Variants in ABL2 observed in about 807,000 individuals in gnomAD.
ABL2 encodes tyrosine-protein kinase ABL2.
A neutral mutation model predicts 107.7 loss-of-function variants in ABL2; 49 were observed. That is an observed-to-expected ratio of 0.45 (90% CI 0.36 to 0.58). The LOEUF (loss-of-function observed/expected upper bound fraction) is 0.58. Among genes scored for constraint, ABL2 ranks in the 20% least tolerant of loss-of-function variants. ABL2 has a pLI of 0.00. For missense variants in ABL2, 1,245 were observed against 1,457.0 expected (o/e 0.85, Z 2.37); for synonymous variants, 549 against 548.6 (o/e 1.00, Z -0.01).
chr1:179,178,654 C>T (rs988866415), intron 1 of ABL2, among the ~76,000 whole-genome samples: 4 of 152,104 alleles, frequency 2.6e-5, no homozygotes, highest in Non-Finnish European at 5.9e-5. Context: ...CTTTGGGAGG[C>T]CAAGGCAGGT....
intron 1 of ABL2, among the ~76,000 whole-genome samples, chr1:179,181,698 C>T (rs1486354096): frequency 1.3e-5 from 2 of 152,124 alleles, no homozygotes; most frequent in African/African-American, 4.8e-5. Flanking sequence ...TTCTAATACA[C>T]GAATTCATAT....
chr1:179,159,885 G>A (rs1458938382), intron 1 of ABL2, among the ~76,000 whole-genome samples: 4 of 152,178 alleles, frequency 2.6e-5, no homozygotes, highest in Non-Finnish European at 5.9e-5. Context: ...AGGCCAAGGT[G>A]GGCGTATCAA....
At chr1:179,205,624 G>C (rs768819753) in intron 1 of ABL2, among the ~76,000 whole-genome samples, 1 of 152,140 alleles carries the variant, frequency 6.6e-6, no homozygotes, top group Non-Finnish European at 1.5e-5. Flanking sequence ...CCTTTGGGGG[G>C]TCTGAGGGGG....
intron 1 of ABL2, among the ~76,000 whole-genome samples, chr1:179,153,384 G>A (rs945412145): frequency 2.0e-5 from 3 of 151,878 alleles, no homozygotes; most frequent in African/African-American, 7.3e-5. Context: ...TAGTTTGGGA[G>A]GCCGGAAGTC....
rs181590000 is a variant in ABL2 at position 179,159,880 on chromosome 1, A to G, written c.158-26506T>C. Among the ~76,000 whole-genome samples the G allele has an allele frequency of 7.2e-5, 11 of 152,308 alleles. 1 individual carries two copies. Among genetic ancestry groups the G allele is most frequent in the Admixed American group, 6.5e-4 (10 of 15,296 alleles). ...TGTAATCCCAGCACTTTGGGAGGCC[A>G]AGGTGGGCGTATCAACTGAGGTCAG... is the stretch of plus-strand genomic sequence containing the variant. On this transcript the variant is annotated intron_variant, in intron 1 of 11. Coordinates refer to ENST00000502732, the MANE Select transcript of ABL2 (RefSeq NM_007314.4).
chr1:179,229,173 A>ACCCCCCCCCCCCCCCCC, intron 1 of ABL2, 68 bp downstream of exon 1: 3 of 223,206 alleles, frequency 1.3e-5, no homozygotes, highest in Non-Finnish European at 2.2e-5. Flanking sequence ...CCCGTCCGCC[A>ACCCCCCCCCCCCCCCCC]CCCACCCCGC....
chr1:179,200,660 A>C (rs113292811), intron 1 of ABL2, among the ~76,000 whole-genome samples: 2,616 of 152,302 alleles, frequency 0.017, 77 homozygotes, highest in African/African-American at 0.058. Flanking sequence ...TTCCAATTAT[A>C]AACTTATCTG....
intron 1 of ABL2, among the ~76,000 whole-genome samples, chr1:179,135,918 C>T (rs1656896775): frequency 2.8e-5 from 4 of 141,966 alleles, no homozygotes; most frequent in Non-Finnish European, 6.2e-5. Context: ...AAGTGAGGAG[C>T]CCCTCTGCCC....
chr1:179,154,059 C>T (rs573093847), intron 1 of ABL2, among the ~76,000 whole-genome samples: 2 of 152,282 alleles, frequency 1.3e-5, no homozygotes, highest in East Asian at 3.9e-4. Flanking sequence ...AATCATACCT[C>T]TTAAATATCT....
chr1:179,216,730 T>G (rs1662582369), intron 1 of ABL2, among the ~76,000 whole-genome samples: 1 of 151,408 alleles, frequency 6.6e-6, no homozygotes, highest in Non-Finnish European at 1.5e-5. Context: ...TTTTTTTTTT[T>G]GGCTGGACTG....
At chr1:179,185,704 C>T (rs1330126740) in intron 1 of ABL2, among the ~76,000 whole-genome samples, 1 of 151,708 alleles carries the variant, frequency 6.6e-6, no homozygotes, top group Non-Finnish European at 1.5e-5. Context: ...TTGTTTTTGA[C>T]TAAAAAGAGG....
At chr1:179,119,521 A>T (rs1052394591) in intron 6 of ABL2, among the ~76,000 whole-genome samples, 1 of 150,738 alleles carries the variant, frequency 6.6e-6, no homozygotes, top group Non-Finnish European at 1.5e-5. Context: ...TAAAAAACAA[A>T]CAAAAAAAAA....
chr1:179,119,586 A>T (rs10913696), intron 6 of ABL2, among the ~76,000 whole-genome samples: 97,055 of 150,398 alleles, frequency 0.65, 31,619 homozygotes, highest in Middle Eastern at 0.75. Flanking sequence ...GCCCTATTTT[A>T]AAAAAGGAAA....
At chr1:179,127,452 A>T (rs1439795135) in intron 3 of ABL2, among the ~76,000 whole-genome samples, 1 of 152,224 alleles carries the variant, frequency 6.6e-6, no homozygotes, top group African/African-American at 2.4e-5. Flanking sequence ...CAAGTCACTC[A>T]GTGTATCTTT....
intron 2 of ABL2, among the ~76,000 whole-genome samples, chr1:179,131,879 T>C (rs548115360): frequency 6.6e-6 from 1 of 152,320 alleles, no homozygotes; most frequent in Admixed American, 6.5e-5. Context: ...AAGGAAGAAA[T>C]GATTGTAAGT....
chr1:179,141,905 T>C (rs1272571209), intron 1 of ABL2, among the ~76,000 whole-genome samples: 1 of 152,116 alleles, frequency 6.6e-6, no homozygotes, highest in Middle Eastern at 3.2e-3. Flanking sequence ...GGGAACTAAA[T>C]GAGGGGGAAC....
At chr1:179,114,116 G>C (rs1001402499) in intron 9 of ABL2, among the ~76,000 whole-genome samples, 1 of 152,038 alleles carries the variant, frequency 6.6e-6, no homozygotes, top group Non-Finnish European at 1.5e-5. Flanking sequence ...TTAGCCAGGC[G>C]TGGTGGCAGG....
intron 1 of ABL2, among the ~76,000 whole-genome samples, chr1:179,145,081 T>A (rs1316634528): frequency 6.6e-6 from 1 of 152,178 alleles, no homozygotes; most frequent in Non-Finnish European, 1.5e-5. Flanking sequence ...ATAAAAAGAA[T>A]GAAATGTTGA....
At chr1:179,121,446 G>A (rs1010820289) in intron 5 of ABL2, 149 bp downstream of exon 5, 3 of 1,041,130 alleles carry the variant, frequency 2.9e-6, no homozygotes, top group African/African-American at 3.2e-5. Flanking sequence ...GTCAGCAATG[G>A]CACTAGGGTT....
Sources: gnomAD v4.1 joint callset for allele counts (sites outside exome capture counted in the v4.1 genomes callset) on GRCh38, gnomAD v4.1.1 for gene constraint, MANE v1.5 for transcripts, NCBI Gene and HGNC (gene_info 2026-07-23, HGNC 2026-07-21) for gene names.